Variants in SHANK2 observed in about 807,000 individuals in gnomAD.
SHANK2 encodes the protein SH3 and multiple ankyrin repeat domains 2.
A neutral mutation model predicts 133.7 loss-of-function variants in SHANK2; 43 were observed. The ratio of observed to expected loss-of-function variants is 0.32; its 90% CI spans 0.25 to 0.41. The LOEUF (loss-of-function observed/expected upper bound fraction) is 0.41. Among genes scored for constraint, SHANK2 ranks in the 10% least tolerant of loss-of-function variants. SHANK2 has a pLI of 1.00. For synonymous variants in SHANK2, 1,017 were observed against 952.8 expected (o/e 1.07, Z -1.24); for missense variants, 1,994 against 2,235.8 (o/e 0.89, Z 2.18).
At chr11:70,698,500 G>A (rs1462739572) in intron 15 of SHANK2, among the ~76,000 whole-genome samples, 188 bp downstream of exon 15, 1 of 152,224 alleles carries the variant, frequency 6.6e-6, no homozygotes, top group South Asian at 2.1e-4. Flanking sequence ...AACCAAAGGT[G>A]GCACCAAGTA....
intron 11 of SHANK2, among the ~76,000 whole-genome samples, chr11:70,896,146 C>T (rs1359665638): frequency 6.6e-6 from 1 of 152,170 alleles, no homozygotes; most frequent in Non-Finnish European, 1.5e-5. Context: ...ATCCTAGAGC[C>T]AACCCTTAGC....
intron 2 of SHANK2, chr11:71,174,573 G>C (rs1360602220): frequency 6.6e-6 from 1 of 152,204 alleles, no homozygotes; most frequent in Non-Finnish European, 1.5e-5. Context: ...CCAGCTACTT[G>C]GGAGGCTGAA....
At chr11:70,637,039 T>C (rs1251107892) in intron 17 of SHANK2, among the ~76,000 whole-genome samples, 1 of 151,612 alleles carries the variant, frequency 6.6e-6, no homozygotes, top group African/African-American at 2.4e-5. Flanking sequence ...CACACTCCTC[T>C]GGTGGGCACG....
intron 17 of SHANK2, among the ~76,000 whole-genome samples, chr11:70,537,396 A>G (rs561740634): frequency 2.0e-5 from 3 of 152,264 alleles, no homozygotes; most frequent in Non-Finnish European, 4.4e-5. Flanking sequence ...GGTGGTTTAA[A>G]ATCCAATGAC....
intron 11 of SHANK2, among the ~76,000 whole-genome samples, chr11:70,854,056 T>C (rs2135477577): frequency 6.6e-6 from 1 of 152,338 alleles, no homozygotes; most frequent in African/African-American, 2.4e-5. Context: ...GGACATTATT[T>C]GACCCAGAAG....
chr11:70,801,994 C>T (rs571402603), intron 13 of SHANK2, among the ~76,000 whole-genome samples: 238 of 152,202 alleles, frequency 1.6e-3, no homozygotes, highest in Admixed American at 3.3e-3. Context: ...AGGAAGACTA[C>T]GGAAGCACAG....
rs190391891 is a variant in SHANK2 at position 70,903,254 on chromosome 11, G to A, written c.1108-6687C>T. 6.4e-3 allele frequency among the ~76,000 whole-genome samples: 967 copies of A among 152,100 alleles called. 3 individuals carry two copies. The highest frequency in any genetic ancestry group is 0.025 in the South Asian group (118 of 4,810). On this transcript the variant is annotated intron_variant, in intron 10 of 25. Coordinates refer to ENST00000601538, the MANE Select transcript of SHANK2 (RefSeq NM_012309.5). ...TAGCTGTGCGTGGTGGCTGGCACCT[G>A]TAATCCCAGCTACTCGGGAGTCCGA...
intron 11 of SHANK2, among the ~76,000 whole-genome samples, chr11:70,839,444 G>C (rs1948870831): frequency 6.6e-6 from 1 of 152,180 alleles, no homozygotes; most frequent in Non-Finnish European, 1.5e-5. Context: ...TGGTAGAGAG[G>C]GCGGGTACGT....
intron 2 of SHANK2, among the ~76,000 whole-genome samples, chr11:71,186,030 C>G (rs1555114431): frequency 6.6e-6 from 1 of 152,220 alleles, no homozygotes; most frequent in African/African-American, 2.4e-5. Flanking sequence ...CTAGCATTCT[C>G]TGCCTTTCTG....
At chr11:71,139,526 TAAATA>T (rs1311161019) in intron 3 of SHANK2, among the ~76,000 whole-genome samples, 1 of 151,876 alleles carries the variant, frequency 6.6e-6, no homozygotes, top group Non-Finnish European at 1.5e-5. Flanking sequence ...AATAAATAAA[TAAATA>T]AAAGAAAAAC....
At chr11:71,187,071 T>C (rs1953690193) in intron 2 of SHANK2, among the ~76,000 whole-genome samples, 1 of 152,226 alleles carries the variant, frequency 6.6e-6, no homozygotes, top group Non-Finnish European at 1.5e-5. Flanking sequence ...GCTTGTGGGA[T>C]TTGCTCAGCT....
chr11:70,707,704 A>C (rs1434760472), intron 14 of SHANK2, among the ~76,000 whole-genome samples: 1 of 152,172 alleles, frequency 6.6e-6, no homozygotes, highest in Non-Finnish European at 1.5e-5. Context: ...GCACACTTCT[A>C]AATAAATCCT....
chr11:70,571,286 C>T (rs1413231153), intron 17 of SHANK2: 1 of 152,206 alleles, frequency 6.6e-6, no homozygotes, highest in Non-Finnish European at 1.5e-5. Context: ...AAGTAAGCAT[C>T]AAATACCTTG....
chr11:70,751,852 TAA>T (rs148351759), intron 14 of SHANK2, among the ~76,000 whole-genome samples: 19 of 144,440 alleles, frequency 1.3e-4, no homozygotes, highest in African/African-American at 4.6e-4. Context: ...ATTGCTTTAA[TAA>T]AAAAAAAAGC....
At chr11:70,555,510 C>A (rs2059817673) in intron 17 of SHANK2, among the ~76,000 whole-genome samples, 1 of 152,180 alleles carries the variant, frequency 6.6e-6, no homozygotes, top group Non-Finnish European at 1.5e-5. Flanking sequence ...CTTTGGGAGG[C>A]CAAGGTGGGA....
In SHANK2 at chr11:70,670,886, G is replaced by A. The variant is rs61497899; in HGVS notation, c.1854-9208C>T. Among the ~76,000 whole-genome samples, 225 of 152,304 alleles carry A rather than the reference G, an allele frequency of 1.5e-3. 5 individuals are homozygous for A. In the East Asian group the frequency reaches 0.034, roughly 23 times the overall value. Reference sequence around the variant, plus strand: ...TCACCCACAGGCAGGGGGCTGCGTCGCTTCACGTGGCATCAGGAGGGCAGT... The same window carrying A: ...TCACCCACAGGCAGGGGGCTGCGTCACTTCACGTGGCATCAGGAGGGCAGT... On this transcript the variant is annotated intron_variant, in intron 15 of 25. Coordinates refer to ENST00000601538, the MANE Select transcript of SHANK2 (RefSeq NM_012309.5).
chr11:70,673,250 C>A (rs7101900), intron 15 of SHANK2, among the ~76,000 whole-genome samples: 58,910 of 151,604 alleles, frequency 0.39, 13,989 homozygotes, highest in Non-Finnish European at 0.54. Flanking sequence ...AGGGCCAAGT[C>A]ACACTGAAGC....
chr11:70,532,469 A>G (rs1384028028), intron 17 of SHANK2, among the ~76,000 whole-genome samples: 1 of 152,084 alleles, frequency 6.6e-6, no homozygotes, highest in African/African-American at 2.4e-5. Flanking sequence ...CCTCAAGTCT[A>G]TGGGCAGAAT....
intron 17 of SHANK2, among the ~76,000 whole-genome samples, chr11:70,538,928 C>T (rs1438529756): frequency 6.6e-6 from 1 of 152,230 alleles, no homozygotes; most frequent in Non-Finnish European, 1.5e-5. Flanking sequence ...GAGATGCAGC[C>T]TAGAAGAGGA....
Sources: gnomAD v4.1 joint callset for allele counts (sites outside exome capture counted in the v4.1 genomes callset) on GRCh38, gnomAD v4.1.1 for gene constraint, MANE v1.5 for transcripts, NCBI Gene and HGNC (gene_info 2026-07-23, HGNC 2026-07-21) for gene names.